Variants in GJD4 observed in about 807,000 individuals in gnomAD.
GJD4 encodes gap junction delta-4 protein.
A neutral mutation model predicts 17.9 loss-of-function variants in GJD4; 18 were observed. The ratio of observed to expected loss-of-function variants is 1.00; its 90% confidence interval spans 0.69 to 1.49. The LOEUF is 1.49. Ranked by LOEUF, GJD4 falls within the 40% of genes most tolerant of loss-of-function variation. The probability of loss-of-function intolerance (pLI) is 0.00; values close to 1 mark genes in which losing one functional copy is unlikely to be tolerated. For synonymous variants in GJD4, 293 were observed against 236.8 expected (o/e 1.24, Z -2.18); for missense variants, 639 against 506.9 (o/e 1.26, Z -2.50).
intron 1 of GJD4, chr10:35,605,864 G>A (rs559780549): frequency 1.4e-5 from 8 of 564,048 alleles, no homozygotes; most frequent in African/African-American, 9.4e-5. Flanking sequence ...GGAGTCTTGC[G>A]TTTGACATTG....
chr10:35,607,891 G>C lies in GJD4; in HGVS notation c.378G>C (p.Arg126=). 2 of 1,593,200 alleles carry C rather than the reference G, an allele frequency of 1.3e-6. No individual in the cohort carries two copies. Among genetic ancestry groups the C allele is most frequent in the Non-Finnish European group, 1.7e-6 (2 of 1,174,720 alleles). Residue 126 remains arginine (R), a synonymous_variant, in exon 2 of 2, where the codon CGG becomes CGC. Transcript: ENST00000321660. ...EPASGQRRCP[R]PFGERGGLQV... ...CCTCCGGGCAGAGACGCTGCCCGCG[G>C]CCATTCGGGGAGCGCGGCGGCCTCC...
chr10:35,608,131 G>T lies in GJD4; in HGVS notation c.618G>T (p.Ala206=), dbSNP rs1564471096. 1 of 1,609,220 alleles carries T rather than the reference G, an allele frequency of 6.2e-7. No homozygotes were observed. The highest frequency in any genetic ancestry group is 1.1e-5 in the South Asian group (1 of 90,688). Residue 206 remains alanine, a synonymous_variant, in exon 2 of 2, where the codon GCG becomes GCT. Coordinates refer to ENST00000321660, the MANE Select transcript of GJD4 (RefSeq NM_153368.3). ...TGCTGTTCCTCTGGGCGGTCAGCGC[G>T]CTGTCTTTTCTGCTGGGCCTCGCCG... ...LLMLFLWAVS[A]LSFLLGLADL... is the part of the protein sequence containing the mutation.
intron 1 of GJD4, 52 bp downstream of exon 1, chr10:35,605,683 C>A: frequency 2.2e-6 from 3 of 1,374,750 alleles, no homozygotes; most frequent in South Asian, 1.2e-5. Context: ...TTTCCACTGC[C>A]ATGGTGGAAT....
In GJD4 at chr10:35,607,855, C is replaced by A. The variant is rs777232499; in HGVS notation, c.342C>A (p.Pro114=). ...AALGPRRCPD[P]REPASGQRRC... ...TGGGCCCCCGCCGCTGCCCCGACCC[C>A]CGGGAGCCGGCCTCCGGGCAGAGAC... The change falls in exon 2 of 2, where the codon CCC becomes CCA. Residue 114 remains proline (P), a synonymous_variant. Coordinates refer to ENST00000321660, the MANE Select transcript of GJD4 (RefSeq NM_153368.3). 1 of 1,599,116 alleles carries A rather than the reference C, an allele frequency of 6.3e-7. No individual in the cohort carries two copies. Among genetic ancestry groups the A allele is most frequent in the Non-Finnish European group, 8.5e-7 (1 of 1,177,880 alleles).
At position 35,608,597 on chromosome 10, in the gene GJD4, C is replaced by A; in HGVS notation, c.1084C>A (p.Leu362Met). 2 of 1,522,668 alleles carry A rather than the reference C, an allele frequency of 1.3e-6. No homozygotes were observed. Among genetic ancestry groups the A allele is most frequent in the Non-Finnish European group, 8.8e-7 (1 of 1,138,788 alleles). The allele number at this position is 1,522,668 out of a possible 1,614,324, so 94.3% of individuals were successfully genotyped here. Residue 362 changes from leucine to methionine, a missense_variant, in exon 2 of 2, where the codon CTG becomes ATG. Transcript: ENST00000321660. ...TGCCAGCTCCAGTGGTGCTCCCCAC[C>A]TGAGAGCCAGGAAGTCTGAGTGGGT... ...PPASSSGAPH[L>M]RARKSEWV
Position 35,608,870 on chromosome 10 carries a change from C to A in GJD4, c.*244C>A, listed in dbSNP as rs1016084282. On this transcript the variant is annotated 3_prime_UTR_variant, in exon 2 of 2. Transcript: ENST00000321660. ...GGAGGACCATTTGAGCCTGGGAGAT[C>A]GAGGCTGCAGTGAGCCAAGATCACG... 3 of 367,190 alleles carry A rather than the reference C, an allele frequency of 8.2e-6. No individual in the cohort carries two copies. The highest frequency in any genetic ancestry group is 1.4e-5 in the Non-Finnish European group (3 of 209,034). 22.7% of individuals were successfully genotyped at this position (367,190 alleles called of 1,614,324 possible). A position where few individuals can be genotyped will look rare whatever the true frequency, so the allele number is the denominator to read the frequency against.
chr10:35,607,715 G>T lies in GJD4; in HGVS notation c.202G>T (p.Val68Phe). 1 of 1,613,942 alleles carries T rather than the reference G, an allele frequency of 6.2e-7. No homozygotes were observed. The change falls in exon 2 of 2, where the codon GTC becomes TTC. Residue 68 changes from valine (V) to phenylalanine (F), a missense_variant. By Grantham distance (50) the Val-to-Phe change is conservative. Coordinates refer to ENST00000321660, the MANE Select transcript of GJD4 (RefSeq NM_153368.3). ...QPGCANVCYD[V>F]FSPVSHLRFW... ...GGGATGCGCCAATGTTTGCTACGAC[G>T]TCTTCTCCCCCGTGTCTCACCTGCG...
rs1195877814 is a variant in GJD4 at position 35,608,363 on chromosome 10, G to A, written c.850G>A (p.Val284Met). The change falls in exon 2 of 2, where the codon GTG becomes ATG. Residue 284 changes from valine (V) to methionine (M), a missense_variant. Coordinates refer to ENST00000321660, the MANE Select transcript of GJD4 (RefSeq NM_153368.3). ...TGGCAGCCCCAGGCGTACATCCAGGGTGTCAGGGCACACGAAGATTCCGGA... is the reference window on the plus strand; with the variant it reads ...TGGCAGCCCCAGGCGTACATCCAGGATGTCAGGGCACACGAAGATTCCGGA... Reference protein sequence around the residue: ...GAGSPRRTSRVSGHTKIPDED... With the variant: ...GAGSPRRTSRMSGHTKIPDED... The A allele has an allele frequency of 6.4e-7, 1 of 1,552,660 alleles. No homozygotes were observed. Among genetic ancestry groups the A allele is most frequent in the Admixed American group, 2.0e-5 (1 of 51,248 alleles).
Position 35,608,081 on chromosome 10 carries a change from CG to C in GJD4, c.570del (p.Thr192GlnfsTer6). 6.2e-7 allele frequency: 1 copy of C among 1,608,476 alleles called. No individual in the cohort carries two copies. The highest frequency in any genetic ancestry group is 8.5e-7 in the Non-Finnish European group (1 of 1,177,598). On this transcript the variant is annotated frameshift_variant, in exon 2 of 2. Coordinates refer to ENST00000321660, the MANE Select transcript of GJD4 (RefSeq NM_153368.3). LOFTEE classifies it high-confidence loss of function. Reference sequence around the variant, plus strand: ...GGGCGTGGTGGACTGCTACGTGTCGCGGCCCACAGAGAAGTCCCTGCTGATG... The same window carrying C: ...GGGCGTGGTGGACTGCTACGTGTCGCGCCCACAGAGAAGTCCCTGCTGATG... ...CTGVVDCYVS[R>X]PTEKSLLMLF...
Position 35,608,201 on chromosome 10 carries a change from C to G in GJD4, c.688C>G (p.Pro230Ala). 2 of 1,589,892 alleles carry G rather than the reference C, an allele frequency of 1.3e-6. No individual in the cohort carries two copies. The highest frequency in any genetic ancestry group is 1.7e-6 in the Non-Finnish European group (2 of 1,173,446). ...LRRRMRRRPGPPTSPSIRKQS... is the reference protein window; with the variant it reads ...LRRRMRRRPGAPTSPSIRKQS... The stretch of plus-strand genomic sequence containing the variant: ...GCGGCGGATGCGCAGGAGGCCGGGA[C>G]CCCCCACAAGCCCCTCCATCCGGAA... The change falls in exon 2 of 2, where the codon CCC becomes GCC. Residue 230 changes from proline (P) to alanine (A), a missense_variant. Pro to Ala is a conservative substitution (Grantham distance 27). Coordinates refer to ENST00000321660, the MANE Select transcript of GJD4 (RefSeq NM_153368.3).
At position 35,607,727 on chromosome 10, in the gene GJD4, G is replaced by A. The variant is rs549492032; in HGVS notation, c.214G>A (p.Val72Met). The A allele has an allele frequency of 1.2e-6, 2 of 1,613,616 alleles. No individual in the cohort carries two copies. Among genetic ancestry groups the A allele is most frequent in the Non-Finnish European group, 1.7e-6 (2 of 1,180,036 alleles). Residue 72 changes from valine (V) to methionine (M), a missense_variant, in exon 2 of 2, where the codon GTG becomes ATG. Transcript: ENST00000321660. Reference protein sequence around the residue: ...ANVCYDVFSPVSHLRFWLIQG... With the variant: ...ANVCYDVFSPMSHLRFWLIQG... ...TGTTTGCTACGACGTCTTCTCCCCC[G>A]TGTCTCACCTGCGGTTCTGGCTGAT...
In GJD4 at chr10:35,608,595, A is replaced by C. The variant is rs765566462; in HGVS notation, c.1082A>C (p.His361Pro). ...DPPASSSGAP[H>P]LRARKSEWV Reference sequence around the variant, plus strand: ...CCTGCCAGCTCCAGTGGTGCTCCCCACCTGAGAGCCAGGAAGTCTGAGTGG... The same window carrying C: ...CCTGCCAGCTCCAGTGGTGCTCCCCCCCTGAGAGCCAGGAAGTCTGAGTGG... The change falls in exon 2 of 2, where the codon CAC (histidine) becomes CCC (proline). Residue 361 changes from histidine to proline, a missense_variant. Coordinates refer to ENST00000321660, the MANE Select transcript of GJD4 (RefSeq NM_153368.3). 1 of 1,523,100 alleles carries C rather than the reference A, an allele frequency of 6.6e-7. No individual in the cohort carries two copies. Among genetic ancestry groups the C allele is most frequent in the East Asian group, 2.3e-5 (1 of 42,790 alleles). The allele number at this position is 1,523,100 out of a possible 1,614,324, so 94.3% of individuals were successfully genotyped here. A position where few individuals can be genotyped will look rare whatever the true frequency, so the allele number is the denominator to read the frequency against.
chr10:35,608,154 C>T lies in GJD4; in HGVS notation c.641C>T (p.Ala214Val), dbSNP rs770618498. 7.5e-6 allele frequency: 12 copies of T among 1,605,784 alleles called. No individual in the cohort carries two copies. Among genetic ancestry groups the T allele is most frequent in the Non-Finnish European group, 1.0e-5 (12 of 1,177,982 alleles). The part of the protein sequence containing the change: ...VSALSFLLGL[A>V]DLVCSLRRRM... ...GCGCTGTCTTTTCTGCTGGGCCTCG[C>T]CGACCTGGTCTGCAGCCTGCGGCGG... Residue 214 changes from alanine to valine, a missense_variant, in exon 2 of 2, where the codon GCC (alanine) becomes GTC (valine). Physicochemically the swap from Ala to Val is moderately conservative, Grantham distance 64. Transcript: ENST00000321660.
In GJD4 at chr10:35,607,871, G is replaced by T. The variant is rs201813002; in HGVS notation, c.358G>T (p.Gly120Trp). ...RCPDPREPAS[G>W]QRRCPRPFGE... ...CCCCGACCCCCGGGAGCCGGCCTCC[G>T]GGCAGAGACGCTGCCCGCGGCCATT... is the stretch of plus-strand genomic sequence containing the variant. The change falls in exon 2 of 2, where the codon GGG (glycine) becomes TGG (tryptophan). Residue 120 changes from glycine (G) to tryptophan (W), a missense_variant. Transcript: ENST00000321660. 5.2e-5 allele frequency: 83 copies of T among 1,595,638 alleles called. No homozygotes were observed. In the Admixed American group the frequency reaches 1.4e-3, roughly 27 times the overall value.
chr10:35,608,513 G>GC lies in GJD4; in HGVS notation c.1005dup (p.Ser336GlnfsTer16). 1 of 1,550,740 alleles carries GC rather than the reference G, an allele frequency of 6.4e-7. No homozygotes were observed. The highest frequency in any genetic ancestry group is 8.7e-7 in the Non-Finnish European group (1 of 1,148,140). On this transcript the variant is annotated frameshift_variant, in exon 2 of 2. Coordinates refer to ENST00000321660, the MANE Select transcript of GJD4 (RefSeq NM_153368.3). LOFTEE classifies it high-confidence loss of function. ...AGGATCCGAGGAGCAGCCCTCAGCA[G>GC]CCCCCAGCCGCCTGGCCGCGCCCCC...
At position 35,608,454 on chromosome 10, in the gene GJD4, C is replaced by T; in HGVS notation, c.941C>T (p.Pro314Leu). ...CTGGGCAGACAGCCCCGGGGCAGGC[C>T]CCACCGAGAGGCCGCCCAGGACCCC... ...EKLGRQPRGR[P>L]HREAAQDPRG... Residue 314 changes from proline to leucine, a missense_variant, in exon 2 of 2, where the codon CCC (proline) becomes CTC (leucine). Coordinates refer to ENST00000321660, the MANE Select transcript of GJD4 (RefSeq NM_153368.3). 6.5e-7 allele frequency: 1 copy of T among 1,546,298 alleles called. No individual in the cohort carries two copies. Among genetic ancestry groups the T allele is most frequent in the Non-Finnish European group, 8.7e-7 (1 of 1,145,950 alleles).
Position 35,608,261 on chromosome 10 carries a change from C to A in GJD4, c.748C>A (p.Arg250=). ...AGCCTCAGGCCACGCGGAGGGACGC[C>A]GGACTGACGAGGAGGGTGGGCGGGA... ...SGASGHAEGR[R]TDEEGGREEE... The change falls in exon 2 of 2, where the codon CGG becomes AGG. Residue 250 remains arginine, a synonymous_variant. Coordinates refer to ENST00000321660, the MANE Select transcript of GJD4 (RefSeq NM_153368.3). 1.3e-6 allele frequency: 2 copies of A among 1,570,904 alleles called. No homozygotes were observed. Among genetic ancestry groups the A allele is most frequent in the Admixed American group, 1.8e-5 (1 of 55,044 alleles).
In GJD4 at chr10:35,608,052, G is replaced by A; in HGVS notation, c.539G>A (p.Cys180Tyr). The A allele has an allele frequency of 6.2e-7, 1 of 1,610,366 alleles. No individual in the cohort carries two copies. The highest frequency in any genetic ancestry group is 8.5e-7 in the Non-Finnish European group (1 of 1,178,694). Reference protein sequence around the residue: ...PKKFPCTRPPCTGVVDCYVSR... With the variant: ...PKKFPCTRPPYTGVVDCYVSR... The stretch of plus-strand genomic sequence containing the variant: ...AAGTTCCCTTGCACGCGCCCTCCGT[G>A]CACGGGCGTGGTGGACTGCTACGTG... The change falls in exon 2 of 2, where the codon TGC (cysteine) becomes TAC (tyrosine). Residue 180 changes from cysteine (C) to tyrosine (Y), a missense_variant. Coordinates refer to ENST00000321660, the MANE Select transcript of GJD4 (RefSeq NM_153368.3).
chr10:35,608,184 T>G lies in GJD4; in HGVS notation c.671T>G (p.Met224Arg), dbSNP rs747267315. 46 of 1,596,468 alleles carry G rather than the reference T, an allele frequency of 2.9e-5. No homozygotes were observed. The highest frequency in any genetic ancestry group is 4.0e-5 in the African/African-American group (3 of 74,432). The part of the protein sequence containing the change: ...ADLVCSLRRR[M>R]RRRPGPPTSP... ...CTGGTCTGCAGCCTGCGGCGGCGGATGCGCAGGAGGCCGGGACCCCCCACA... is the reference window on the plus strand; with the variant it reads ...CTGGTCTGCAGCCTGCGGCGGCGGAGGCGCAGGAGGCCGGGACCCCCCACA... The change falls in exon 2 of 2, where the codon ATG becomes AGG. Residue 224 changes from methionine to arginine, a missense_variant. Coordinates refer to ENST00000321660, the MANE Select transcript of GJD4 (RefSeq NM_153368.3).
Sources: gnomAD v4.1 joint callset for allele counts on GRCh38, gnomAD v4.1.1 for gene constraint, MANE v1.5 for transcripts, NCBI Gene and HGNC (gene_info 2026-07-23, HGNC 2026-07-21) for gene names.